Variants in DNAJC13 observed in about 807,000 individuals in gnomAD.
DNAJC13 encodes the protein DnaJ heat shock protein family (Hsp40) member C13.
Under a neutral mutation model 290.5 loss-of-function variants are expected in DNAJC13, and 75 were observed. The observed-to-expected ratio is 0.26, with a 90% CI of 0.21 to 0.31. The LOEUF (loss-of-function observed/expected upper bound fraction) is 0.31, where lower values mean the gene tolerates loss of function less well. DNAJC13 is among the 10% of genes least tolerant of loss of function. The pLI, the probability that DNAJC13 is intolerant of heterozygous loss-of-function variation, is 1.00. For synonymous variants in DNAJC13, 862 were observed against 892.0 expected (o/e 0.97, Z 0.60); for missense variants, 2,260 against 2,674.5 (o/e 0.85, Z 3.42).
Position 132,489,337 on chromosome 3 carries a change from T to C in DNAJC13, c.3468+316T>C, listed in dbSNP as rs2107705922. ...TTAGTGATTTTTGTAAATAATTCAT[T>C]ATGTACCTGAGTCTTACATCGTCAG... On this transcript the variant is annotated intron_variant, in intron 31 of 55. Transcript: ENST00000260818. Among the ~76,000 whole-genome samples the C allele has an allele frequency of 2.6e-5, 4 of 152,228 alleles. No homozygotes were observed. In the Middle Eastern group the frequency reaches 0.01, roughly 388 times the overall value.
chr3:132,475,983 G>C (rs575080552), intron 22 of DNAJC13, among the ~76,000 whole-genome samples: 1 of 151,804 alleles, frequency 6.6e-6, no homozygotes, highest in Non-Finnish European at 1.5e-5. Flanking sequence ...GCATAGGCTA[G>C]ACTGCAGTGG....
intron 1 of DNAJC13, among the ~76,000 whole-genome samples, chr3:132,433,986 G>A (rs1420343986): frequency 6.6e-6 from 1 of 152,198 alleles, no homozygotes; most frequent in Non-Finnish European, 1.5e-5. Context: ...GGCCAAGGCG[G>A]GAGGATCATG....
chr3:132,522,983 G>A lies in DNAJC13; in HGVS notation c.5829G>A (p.Arg1943=). The A allele has an allele frequency of 1.2e-6, 2 of 1,609,238 alleles. No individual in the cohort carries two copies. The highest frequency in any genetic ancestry group is 1.3e-5 in the African/African-American group (1 of 74,630). ...GAGATAAAGTGTCCACAACAGTTAG[G>A]GAAATGATGCTAGAGTAAGTAAAAA... ...NSRDKVSTTV[R]EMMLEHFKNQ... Residue 1943 remains arginine, a synonymous_variant, in exon 49 of 56, where the codon AGG becomes AGA. Transcript: ENST00000260818.
At chr3:132,432,328 G>A (rs57007127) in intron 1 of DNAJC13, among the ~76,000 whole-genome samples, 2,240 of 151,968 alleles carry the variant, frequency 0.015, 56 homozygotes, top group African/African-American at 0.051. Flanking sequence ...TCAGCCTCCC[G>A]GGTAGCTGGG....
intron 42 of DNAJC13, among the ~76,000 whole-genome samples, chr3:132,506,645 A>G (rs1044468123): frequency 2.3e-5 from 3 of 128,900 alleles, no homozygotes; most frequent in African/African-American, 9.0e-5. Context: ...TCTGCCTCCC[A>G]GGTTCAAGTG....
At position 132,482,327 on chromosome 3, in the gene DNAJC13, T is replaced by C; in HGVS notation, c.2976T>C (p.His992=). Residue 992 remains histidine, a synonymous_variant, in exon 27 of 56, where the codon CAT becomes CAC. Coordinates refer to ENST00000260818, the MANE Select transcript of DNAJC13 (RefSeq NM_015268.4). ...AAAGGAGTGGCCCGTATGGATTTCA[T>C]GAGGTATGTATCTTGGAGATACTTT... is the stretch of plus-strand genomic sequence containing the variant. ...DKERSGPYGF[H]EMQELWTKGM... is the part of the protein sequence containing the mutation. The C allele has an allele frequency of 1.2e-6, 2 of 1,612,812 alleles. No individual in the cohort carries two copies. Among genetic ancestry groups the C allele is most frequent in the South Asian group, 2.2e-5 (2 of 91,044 alleles).
intron 54 of DNAJC13, among the ~76,000 whole-genome samples, chr3:132,529,879 G>A (rs1015158061): frequency 6.6e-6 from 1 of 151,624 alleles, no homozygotes; most frequent in Non-Finnish European, 1.5e-5. Context: ...GTCATTAACT[G>A]ATGTGTTTTT....
chr3:132,522,887 T>C lies in DNAJC13; in HGVS notation c.5733T>C (p.Asn1911=), dbSNP rs1168113799. ...TTTTCATGGATGCTATGAGAGACAA[T>C]CCTGAAGCTGCTGTACATATTTTTG... The part of the protein sequence containing the change: ...PSVFMDAMRD[N]PEAAVHIFEG... The change falls in exon 49 of 56, where the codon AAT becomes AAC. Residue 1911 remains asparagine, a synonymous_variant. Transcript: ENST00000260818. The C allele has an allele frequency of 1.9e-6, 3 of 1,613,588 alleles. No homozygotes were observed. The highest frequency in any genetic ancestry group is 1.7e-4 in the Middle Eastern group (1 of 6,058).
intron 43 of DNAJC13, among the ~76,000 whole-genome samples, chr3:132,509,287 G>C (rs1475762919): frequency 6.6e-6 from 1 of 152,214 alleles, no homozygotes; most frequent in African/African-American, 2.4e-5. Context: ...CAAGATTCCA[G>C]TGGAGGAAGT....
At chr3:132,441,350 G>C (rs752892574) in intron 2 of DNAJC13, among the ~76,000 whole-genome samples, 1 of 152,214 alleles carries the variant, frequency 6.6e-6, no homozygotes, top group Non-Finnish European at 1.5e-5. Context: ...AGATATGTTA[G>C]TTTCCTTGCA....
At chr3:132,495,258 T>G in intron 35 of DNAJC13, 92 bp downstream of exon 35, 2 of 979,976 alleles carry the variant, frequency 2.0e-6, no homozygotes, top group Non-Finnish European at 3.2e-6. Flanking sequence ...TGTGCCAGTA[T>G]CTGCCTCATA....
At position 132,525,111 on chromosome 3, in the gene DNAJC13, C is replaced by T. The variant is rs926233545; in HGVS notation, c.6061-499C>T. Among the ~76,000 whole-genome samples, 11 of 152,228 alleles carry T rather than the reference C, an allele frequency of 7.2e-5. No individual in the cohort carries two copies. The East Asian group carries it at 1.4e-3, about 19-fold the overall frequency. On this transcript the variant is annotated intron_variant, in intron 51 of 55. Transcript: ENST00000260818. ...ATACCAGCACTTTGGGAGGCCAAGG[C>T]GGGCGGATCACCTGAGGTCAGGAGT...
intron 2 of DNAJC13, among the ~76,000 whole-genome samples, chr3:132,436,288 TATATAA>T (rs1473706471): frequency 2.0e-5 from 3 of 152,326 alleles, no homozygotes; most frequent in Non-Finnish European, 1.5e-5. Flanking sequence ...TGGAACATCT[TATATAA>T]ATAGAATGAT....
At position 132,447,952 on chromosome 3, in the gene DNAJC13, C is replaced by T; in HGVS notation, c.336+13C>T. Reference sequence around the variant, plus strand: ...AATCACAGGAAGGGTAAATATTTAACATTTATTATGTATTTTTATTTGTTC... The same window carrying T: ...AATCACAGGAAGGGTAAATATTTAATATTTATTATGTATTTTTATTTGTTC... On this transcript the variant is annotated intron_variant, in intron 5 of 55. Coordinates refer to ENST00000260818, the MANE Select transcript of DNAJC13 (RefSeq NM_015268.4). The T allele has an allele frequency of 2.7e-6, 4 of 1,471,850 alleles. No homozygotes were observed. Among genetic ancestry groups the T allele is most frequent in the Non-Finnish European group, 3.8e-6 (4 of 1,057,000 alleles). The allele number at this position is 1,471,850 out of a possible 1,614,324, so 91.2% of individuals were successfully genotyped here.
intron 41 of DNAJC13, 33 bp from the exon 42 acceptor site, chr3:132,505,269 T>C (rs367700259): frequency 2.5e-5 from 35 of 1,382,030 alleles, no homozygotes; most frequent in Non-Finnish European, 3.6e-5. Context: ...GTTTTTTCAC[T>C]AAATGTTATA....
chr3:132,434,637 T>G lies in DNAJC13; in HGVS notation c.68+19T>G. ...GGGGGAAGTAAGTATTCTTGTTGGG[T>G]TTTTTTTTCTGTGCTTCTATAAAAT... On this transcript the variant is annotated intron_variant, in intron 2 of 55. Transcript: ENST00000260818. 6.4e-7 allele frequency: 1 copy of G among 1,566,748 alleles called. No individual in the cohort carries two copies. Among genetic ancestry groups the G allele is most frequent in the East Asian group, 2.3e-5 (1 of 44,412 alleles).
At chr3:132,447,790 T>C (rs1459514390) in intron 4 of DNAJC13, 108 bp from the exon 5 acceptor site, 1 of 829,812 alleles carries the variant, frequency 1.2e-6, no homozygotes, top group Non-Finnish European at 2.0e-6. Context: ...CAGTTTTTAG[T>C]GTCCAGGTTA....
chr3:132,440,248 T>C (rs1933012929), intron 2 of DNAJC13, among the ~76,000 whole-genome samples: 1 of 152,192 alleles, frequency 6.6e-6, no homozygotes, highest in Admixed American at 6.5e-5. Flanking sequence ...TGGAGCTAGA[T>C]TCCATCTCAA....
chr3:132,428,927 G>T (rs1458109629), intron 1 of DNAJC13, among the ~76,000 whole-genome samples: 1 of 151,772 alleles, frequency 6.6e-6, no homozygotes, highest in African/African-American at 2.4e-5. Context: ...TAGAGACGGG[G>T]TTTCACCATG....
Sources: allele counts gnomAD v4.1 joint callset (sites outside exome capture counted in the v4.1 genomes callset), GRCh38; gene constraint gnomAD v4.1.1; transcripts MANE v1.5; gene names NCBI Gene and HGNC (gene_info 2026-07-23, HGNC 2026-07-21).